The following TNK2 variants were observed in gnomAD, a reference collection of about 807,000 sequenced individuals.
TNK2 encodes the protein activated CDC42 kinase 1.
A neutral mutation model predicts 101.8 loss-of-function variants in TNK2; 83 were observed. The ratio of observed to expected loss-of-function variants is 0.82; its 90% CI spans 0.68 to 0.98. The LOEUF (loss-of-function observed/expected upper bound fraction) is 0.98, where lower values mean the gene tolerates loss of function less well. Among genes scored for constraint, TNK2 ranks in the 50% least tolerant of loss-of-function variants. TNK2 has a pLI of 0.00. For missense variants in TNK2, 1,665 were observed against 1,483.2 expected (o/e 1.12, Z -2.01); for synonymous variants, 804 against 633.0 (o/e 1.27, Z -4.06).
intron 1 of TNK2, chr3:195,892,341 C>A: frequency 1.4e-6 from 2 of 1,405,244 alleles, no homozygotes; most frequent in Non-Finnish European, 1.9e-6. Flanking sequence ...TGCTTTCTGC[C>A]TCTCAGTCAA....
intron 1 of TNK2, among the ~76,000 whole-genome samples, chr3:195,900,537 C>T (rs980717629): frequency 5.3e-5 from 8 of 152,174 alleles, no homozygotes; most frequent in African/African-American, 1.2e-4. Context: ...AGCTGAAGAC[C>T]GGAGTGTCAA....
At chr3:195,866,088 A>G (rs1740658866) in intron 15 of TNK2, among the ~76,000 whole-genome samples, 1 of 152,030 alleles carries the variant, frequency 6.6e-6, no homozygotes, top group African/African-American at 2.4e-5. Flanking sequence ...TCTCATATAT[A>G]TATTTACATA....
intron 9 of TNK2, among the ~76,000 whole-genome samples, chr3:195,876,055 C>G (rs1475342707): frequency 6.6e-6 from 1 of 152,186 alleles, no homozygotes; most frequent in Admixed American, 6.5e-5. Context: ...TGGCTCCCAC[C>G]CACCACAGGA....
Position 195,887,008 on chromosome 3 carries a change from G to GC in TNK2, c.202dup (p.Ala68GlyfsTer11). 1 of 1,614,198 alleles carries GC rather than the reference G, an allele frequency of 6.2e-7. No individual in the cohort carries two copies. On this transcript the variant is annotated frameshift_variant, in exon 3 of 16. Coordinates refer to ENST00000672887, the MANE Select transcript of TNK2 (RefSeq NM_001382273.1). LOFTEE classifies it high-confidence loss of function. ...CATCCACGACTTGCGTTTGCACAAG[G>GC]CCTTCCTCCTCTTCACAGCCTCCCA...
At chr3:195,895,627 A>C in intron 1 of TNK2, 3 of 1,283,126 alleles carry the variant, frequency 2.3e-6, no homozygotes, top group Non-Finnish European at 3.0e-6. Flanking sequence ...CCCCACCGAG[A>C]GCCGGGGCTC....
chr3:195,904,216 C>A (rs1180445974), intron 1 of TNK2, among the ~76,000 whole-genome samples: 4 of 150,460 alleles, frequency 2.7e-5, no homozygotes, highest in Non-Finnish European at 5.9e-5. Context: ...CATGATCACA[C>A]CACTGCTCTC....
At chr3:195,904,880 T>C (rs1388255285) in intron 1 of TNK2, among the ~76,000 whole-genome samples, 1 of 152,198 alleles carries the variant, frequency 6.6e-6, no homozygotes, top group Non-Finnish European at 1.5e-5. Flanking sequence ...AGATATACAC[T>C]GTTCATGGTC....
intron 12 of TNK2, chr3:195,868,915 G>C (rs545313400): frequency 1.7e-6 from 1 of 595,100 alleles, no homozygotes; most frequent in Non-Finnish European, 2.8e-6. Flanking sequence ...TGCTCTGCCC[G>C]GCAGCCCCAT....
In TNK2 at chr3:195,867,451, T is replaced by C. The variant is rs1179048714; in HGVS notation, c.2847A>G (p.Pro949=). Reference sequence around the variant, plus strand: ...GCCGAGCAGTGGCCCTCGGGGGTGGTGGCCGGGCCCCTGGGTTGCTGTTGT... The same window carrying C: ...GCCGAGCAGTGGCCCTCGGGGGTGGCGGCCGGGCCCCTGGGTTGCTGTTGT... ...STNNSNPGAR[P]PPPRATARLP... is the part of the protein sequence containing the mutation. The change falls in exon 13 of 16, where the codon CCA becomes CCG. Residue 949 remains proline, a synonymous_variant. Transcript: ENST00000672887. The C allele has an allele frequency of 6.3e-7, 1 of 1,589,836 alleles. No individual in the cohort carries two copies. The highest frequency in any genetic ancestry group is 8.5e-7 in the Non-Finnish European group (1 of 1,174,710).
At chr3:195,894,176 G>A (rs1759681854) in intron 1 of TNK2, 1 of 145,460 alleles carries the variant, frequency 6.9e-6, no homozygotes, top group Non-Finnish European at 1.6e-5. Context: ...GGAGACCCAG[G>A]GACCGGGGGC....
rs1274553716 is a variant in TNK2 at position 195,878,413 on chromosome 3, AC to A, written c.1161+32del. ...GCCTGGGTAGCCCCTCAGCTTGAACACCCCAGCTCTCCTGGGCTGACCTGTC... is the reference window on the plus strand; with the variant it reads ...GCCTGGGTAGCCCCTCAGCTTGAACACCCAGCTCTCCTGGGCTGACCTGTC... On this transcript the variant is annotated intron_variant, in intron 8 of 15. Coordinates refer to ENST00000672887, the MANE Select transcript of TNK2 (RefSeq NM_001382273.1). This position sits in a 1 kb window ranked among gnomAD's most constrained non-coding sequence, Gnocchi z 4.7. The A allele has an allele frequency of 6.2e-7, 1 of 1,613,288 alleles. No homozygotes were observed. Among genetic ancestry groups the A allele is most frequent in the Non-Finnish European group, 8.5e-7 (1 of 1,179,820 alleles).
chr3:195,879,396 C>G (rs1478227513), intron 6 of TNK2: 1 of 522,176 alleles, frequency 1.9e-6, no homozygotes, highest in African/African-American at 1.9e-5. Context: ...TCACTTGCAG[C>G]CTGGTGGGGG....
Position 195,868,144 on chromosome 3 carries a change from G to A in TNK2, c.2154C>T (p.Thr718=), listed in dbSNP as rs139268974. Residue 718 remains threonine, a synonymous_variant, in exon 13 of 16, where the codon ACC becomes ACT. Coordinates refer to ENST00000672887, the MANE Select transcript of TNK2 (RefSeq NM_001382273.1). ...GGGKPPSSAQ[T]AEIFQALQQE... ...GCTGTAGCGCCTGGAAGATCTCTGC[G>A]GTCTGTGCGGAGCTGGGCGGCTTGC... The A allele has an allele frequency of 1.9e-3, 3,019 of 1,611,456 alleles. 4 individuals carry two copies. Among genetic ancestry groups the A allele is most frequent in the Non-Finnish European group, 2.3e-3 (2,710 of 1,179,412 alleles).
At chr3:195,901,919 A>G (rs1761246887) in intron 1 of TNK2, among the ~76,000 whole-genome samples, 2 of 152,216 alleles carry the variant, frequency 1.3e-5, no homozygotes, top group African/African-American at 2.4e-5. Flanking sequence ...AGTGGATACC[A>G]TGTCATTCAC....
rs3749333 is a variant in TNK2, at chr3:195,867,848, G to A, written c.2450C>T (p.Pro817Leu). 205 of 1,534,558 alleles carry A rather than the reference G, an allele frequency of 1.3e-4. 1 individual carries two copies. The East Asian group carries it at 3.8e-3, about 28-fold the overall frequency. Residue 817 changes from proline to leucine, a missense_variant, in exon 13 of 16, where the codon CCG becomes CTG. By Grantham distance (98) the Pro-to-Leu change is moderately conservative. This residue lies in a region of TNK2 where 1,136 missense variants were observed against 894.9 expected (regional missense o/e 1.27). Coordinates refer to ENST00000672887, the MANE Select transcript of TNK2 (RefSeq NM_001382273.1). ...TGAGCTTGAGAGCCGGGGTGGCAGC[G>A]GGGAGCTGCCAGGTGGTACCAGGGG... ...PSPLVPPGSS[P>L]LPPRLSSSPG... is the part of the protein sequence containing the mutation.
chr3:195,871,185 G>A (rs950096154), intron 10 of TNK2, among the ~76,000 whole-genome samples: 13 of 151,222 alleles, frequency 8.6e-5, no homozygotes, highest in Admixed American at 2.6e-4. Context: ...GAGGCCTGGC[G>A]CAAGAAGCTT....
chr3:195,864,214 G>A, intron 15 of TNK2, 27 bp from the exon 16 acceptor site: 3 of 1,613,882 alleles, frequency 1.9e-6, no homozygotes, highest in Non-Finnish European at 2.5e-6. Flanking sequence ...CACCAGCACA[G>A]TTAAACAGTT....
chr3:195,895,145 A>G, intron 1 of TNK2: 2 of 1,166,698 alleles, frequency 1.7e-6, no homozygotes, highest in Non-Finnish European at 2.3e-6. Flanking sequence ...AGACACTCTC[A>G]CTCCTGAGGC....
In TNK2 at chr3:195,865,606, C is replaced by T. The variant is rs569128688; in HGVS notation, c.3161+1283G>A. ...ACAGACAGGTGACAGCGAATGCCTG[C>T]GTCCCAGGTGCAAATCAGTAAGAAC... On this transcript the variant is annotated intron_variant, in intron 15 of 15. Transcript: ENST00000672887. Among the ~76,000 whole-genome samples, 84 of 149,098 alleles carry T rather than the reference C, an allele frequency of 5.6e-4. 1 individual carries two copies. Among genetic ancestry groups the T allele is most frequent in the African/African-American group, 1.7e-3 (69 of 40,182 alleles).
Sources: gnomAD v4.1 joint callset for allele counts (sites outside exome capture counted in the v4.1 genomes callset) on GRCh38, gnomAD v4.1.1 for gene constraint, gnomAD v4.1.1 regional missense constraint, Gnocchi (gnomAD v3.1) non-coding constraint, MANE v1.5 for transcripts, NCBI Gene and HGNC (gene_info 2026-07-23, HGNC 2026-07-21) for gene names.